Variants in LONRF1 observed in about 807,000 individuals in gnomAD.
LONRF1 encodes the protein LON peptidase N-terminal domain and ring finger 1, also known as LON peptidase N-terminal domain and RING finger protein 1.
In LONRF1, 37 loss-of-function variants were observed where a neutral mutation model predicts 85.8. The ratio of observed to expected loss-of-function variants is 0.43; its 90% CI spans 0.33 to 0.57. The LOEUF (loss-of-function observed/expected upper bound fraction) is 0.57. Among genes scored for constraint, LONRF1 ranks in the 20% least tolerant of loss-of-function variants. The pLI, the probability that LONRF1 is intolerant of heterozygous loss-of-function variation, is 0.04. For synonymous variants in LONRF1, 517 were observed against 390.1 expected (o/e 1.33, Z -3.83); for missense variants, 1,036 against 978.0 (o/e 1.06, Z -0.79).
In LONRF1 at chr8:12,754,975, C is replaced by G; in HGVS notation, c.446G>C (p.Arg149Thr). The G allele has an allele frequency of 6.7e-7, 1 of 1,492,248 alleles. No individual in the cohort carries two copies. Among genetic ancestry groups the G allele is most frequent in the Non-Finnish European group, 8.9e-7 (1 of 1,127,128 alleles). 92.4% of individuals were successfully genotyped at this position (1,492,248 alleles called of 1,614,324 possible). The change falls in exon 1 of 12, where the codon AGG (arginine) becomes ACG (threonine). Residue 149 changes from arginine (R) to threonine (T), a missense_variant. This residue lies in a region of LONRF1 where 742 missense variants were observed against 614.4 expected (regional missense o/e 1.21). Transcript: ENST00000398246. ...GHSYCRRCLR[R>T]ELRARCRLCR... ...GAGGCGGCAGCGGGCGCGGAGTTCC[C>G]TCCGCAGGCAGCGGCGGCAGTAGCT...
intron 10 of LONRF1, among the ~76,000 whole-genome samples, chr8:12,726,515 G>A (rs2117224147): frequency 6.6e-6 from 1 of 152,320 alleles, no homozygotes; most frequent in Non-Finnish European, 1.5e-5. Flanking sequence ...GTATTCTTTA[G>A]ACTACTGGGT....
chr8:12,737,095 AGCTTCCTTT>A lies in LONRF1; in HGVS notation c.1150_1158del (p.Lys384_Ser386del). 3 of 1,613,590 alleles carry A rather than the reference AGCTTCCTTT, an allele frequency of 1.9e-6. No individual in the cohort carries two copies. Among genetic ancestry groups the A allele is most frequent in the Non-Finnish European group, 2.5e-6 (3 of 1,179,646 alleles). Reference sequence around the variant, plus strand: ...GACTGTGCTGACTGAGCACGGTTTAAGCTTCCTTTGACAGGCTCTGAAGTGACCTCTGGT... The same window carrying A: ...GACTGTGCTGACTGAGCACGGTTTAAGACAGGCTCTGAAGTGACCTCTGGT... On this transcript the variant is annotated inframe_deletion, in exon 5 of 12. Transcript: ENST00000398246.
intron 2 of LONRF1, among the ~76,000 whole-genome samples, chr8:12,742,496 T>C (rs1225130057): frequency 6.6e-6 from 1 of 152,338 alleles, no homozygotes; most frequent in South Asian, 2.1e-4. Flanking sequence ...CTAGTTACCA[T>C]ATAATACCTC....
Position 12,729,012 on chromosome 8 carries a change from C to T in LONRF1, c.1899G>A (p.Pro633=), listed in dbSNP as rs373957521. ...CTGTATCAACCACAGACCTTCCGTCCGGTAAGAAATGCACGTTTCTAATTT... is the reference window on the plus strand; with the variant it reads ...CTGTATCAACCACAGACCTTCCGTCTGGTAAGAAATGCACGTTTCTAATTT... ...MLQIRNVHFL[P]DGRSVVDTVG... The change falls in exon 10 of 12, where the codon CCG becomes CCA. Residue 633 remains proline, a synonymous_variant. Coordinates refer to ENST00000398246, the MANE Select transcript of LONRF1 (RefSeq NM_152271.5). The T allele has an allele frequency of 1.7e-5, 28 of 1,613,868 alleles. No individual in the cohort carries two copies. Among genetic ancestry groups the T allele is most frequent in the Admixed American group, 1.3e-4 (8 of 59,986 alleles).
chr8:12,728,809 G>A (rs1456753795), intron 10 of LONRF1, 92 bp downstream of exon 10: 3 of 1,408,958 alleles, frequency 2.1e-6, no homozygotes, highest in Non-Finnish European at 3.0e-6. Flanking sequence ...GATAAGAACT[G>A]GTTCATGCAC....
chr8:12,751,957 T>A (rs1339828275), intron 1 of LONRF1, among the ~76,000 whole-genome samples: 1 of 152,220 alleles, frequency 6.6e-6, no homozygotes, highest in Non-Finnish European at 1.5e-5. Context: ...ATGGTTTAAA[T>A]GTTATCTAAA....
chr8:12,748,121 A>G (rs1419157997), intron 1 of LONRF1, among the ~76,000 whole-genome samples: 1 of 152,224 alleles, frequency 6.6e-6, no homozygotes, highest in Admixed American at 6.5e-5. Context: ...TATAAAAAGT[A>G]TAACAAACGT....
chr8:12,737,914 C>G (rs866469669), intron 4 of LONRF1, 81 bp downstream of exon 4: 1 of 1,449,368 alleles, frequency 6.9e-7, no homozygotes. Flanking sequence ...GGTGCTAGTA[C>G]TTGAAACTAG....
At chr8:12,732,103 CT>C (rs1798549403) in intron 7 of LONRF1, among the ~76,000 whole-genome samples, 1 of 152,228 alleles carries the variant, frequency 6.6e-6, no homozygotes, top group African/African-American at 2.4e-5. Flanking sequence ...CTGCTTCCTG[CT>C]GTGACCACAG....
rs138144364 is a variant in LONRF1 at position 12,746,774 on chromosome 8, A to G, written c.722-3492T>C. On this transcript the variant is annotated intron_variant, in intron 1 of 11. Transcript: ENST00000398246. ...GCAGCTTGCCCATGATCATACAGCT[A>G]GTAATTGGTGGATTCGAGATTCTAA... 5.0e-3 allele frequency among the ~76,000 whole-genome samples: 765 copies of G among 152,298 alleles called. 7 individuals carry two copies. The highest frequency in any genetic ancestry group is 0.017 in the African/African-American group (715 of 41,556).
intron 10 of LONRF1, among the ~76,000 whole-genome samples, chr8:12,727,814 A>C (rs1282367231): frequency 6.6e-6 from 1 of 152,226 alleles, no homozygotes; most frequent in African/African-American, 2.4e-5. Flanking sequence ...TGCACAAGAC[A>C]AAGTACCCCC....
chr8:12,754,367 TC>T, intron 1 of LONRF1: 1 of 206,282 alleles, frequency 4.8e-6, no homozygotes. Context: ...CTACCACCCA[TC>T]CCGCGCCGGG....
At chr8:12,736,828 C>T (rs1798734687) in intron 5 of LONRF1, 31 bp from the exon 6 acceptor site, 1 of 1,586,236 alleles carries the variant, frequency 6.3e-7, no homozygotes, top group Admixed American at 1.9e-5. Flanking sequence ...GGTTTTCTTC[C>T]TTAGGAAAAA....
chr8:12,734,405 G>T lies in LONRF1; in HGVS notation c.1566+881C>A, dbSNP rs185827953. Among the ~76,000 whole-genome samples, 573 of 152,228 alleles carry T rather than the reference G, an allele frequency of 3.8e-3. 1 individual carries two copies. Among genetic ancestry groups the T allele is most frequent in the African/African-American group, 0.013 (538 of 41,530 alleles). ...TTATGAATTTTTCAATTCATATTTG[G>T]AAGATACTTTTTTTTAAGCAATCCT... On this transcript the variant is annotated intron_variant, in intron 7 of 11. Coordinates refer to ENST00000398246, the MANE Select transcript of LONRF1 (RefSeq NM_152271.5).
intron 1 of LONRF1, among the ~76,000 whole-genome samples, chr8:12,752,581 G>A (rs955614199): frequency 6.6e-6 from 1 of 152,004 alleles, no homozygotes; most frequent in African/African-American, 2.4e-5. Flanking sequence ...TTGCTAAGTG[G>A]GCAAAATCCT....
At chr8:12,734,387 T>C (rs929893657) in intron 7 of LONRF1, among the ~76,000 whole-genome samples, 27 of 152,340 alleles carry the variant, frequency 1.8e-4, no homozygotes, top group African/African-American at 5.3e-4. Context: ...GTTTTATGAA[T>C]TTTTCAATTC....
chr8:12,752,082 T>C (rs1799430616), intron 1 of LONRF1, among the ~76,000 whole-genome samples: 1 of 152,390 alleles, frequency 6.6e-6, no homozygotes, highest in East Asian at 1.9e-4. Flanking sequence ...GTGTGTGGGC[T>C]AACTGCAGAC....
intron 3 of LONRF1, among the ~76,000 whole-genome samples, chr8:12,739,519 G>C (rs1798848852): frequency 1.3e-5 from 2 of 152,016 alleles, no homozygotes; most frequent in South Asian, 4.1e-4. Context: ...ACTTTCTAGG[G>C]TGATGGAAAT....
chr8:12,729,117 C>T, intron 9 of LONRF1, 54 bp from the exon 10 acceptor site: 1 of 1,612,048 alleles, frequency 6.2e-7, no homozygotes. Context: ...TGCAAGTTCT[C>T]ATCCATATTG....
Sources: allele counts gnomAD v4.1 joint callset (sites outside exome capture counted in the v4.1 genomes callset), GRCh38; gene constraint gnomAD v4.1.1; regional missense constraint gnomAD v4.1.1; transcripts MANE v1.5; gene names NCBI Gene and HGNC (gene_info 2026-07-23, HGNC 2026-07-21).